Variants in SARDH observed in about 807,000 individuals in gnomAD.
The protein encoded by SARDH is sarcosine dehydrogenase, mitochondrial.
In SARDH, 95 loss-of-function variants were observed where a neutral mutation model predicts 109.1. The observed-to-expected ratio is 0.87, with a 90% CI of 0.74 to 1.03. SARDH has a LOEUF of 1.03. SARDH is among the 50% of genes least tolerant of loss of function. SARDH has a pLI of 0.00. For synonymous variants in SARDH, 572 were observed against 534.8 expected (o/e 1.07, Z -0.96); for missense variants, 1,267 against 1,287.8 (o/e 0.98, Z 0.25).
chr9:133,662,611 C>T (rs895049458), downstream of SARDH, among the ~76,000 whole-genome samples: 3 of 152,252 alleles, frequency 2.0e-5, no homozygotes, highest in African/African-American at 4.8e-5. The surrounding 1 kb of genome is among the most constrained non-coding windows in gnomAD (Gnocchi z 5.1). Context: ...GTAACCCAAA[C>T]GTCTGCCCAC....
Position 133,666,625 on chromosome 9 carries a change from C to T in SARDH, c.2631+110G>A. 2.1e-6 allele frequency: 3 copies of T among 1,423,448 alleles called. No individual in the cohort carries two copies. Among genetic ancestry groups the T allele is most frequent in the Non-Finnish European group, 2.9e-6 (3 of 1,046,032 alleles). The allele number at this position is 1,423,448 out of a possible 1,614,324, so 88.2% of individuals were successfully genotyped here. ...TTCCCTCCTCCTCTTCTGGACCACACCCGTGCCTCCTCCCTATGCCCGGCA... is the reference window on the plus strand; with the variant it reads ...TTCCCTCCTCCTCTTCTGGACCACATCCGTGCCTCCTCCCTATGCCCGGCA... On this transcript the variant is annotated intron_variant, in intron 20 of 20. Transcript: ENST00000439388. The surrounding 1 kb of genome is among the most constrained non-coding windows in gnomAD (Gnocchi z 5.2).
rs1289630771 is a variant in SARDH at position 133,730,080 on chromosome 9, G to T, written c.798C>A (p.Cys266Ter). 8.1e-6 allele frequency: 13 copies of T among 1,614,072 alleles called. No individual in the cohort carries two copies. Among genetic ancestry groups the T allele is most frequent in the Non-Finnish European group, 1.1e-5 (13 of 1,180,034 alleles). The change falls in exon 5 of 21, where the codon TGC becomes TGA. Residue 266 changes from cysteine (C) to a stop codon, truncating the protein, a stop_gained. Coordinates refer to ENST00000439388, the MANE Select transcript of SARDH (RefSeq NM_001134707.2). LOFTEE classifies it high-confidence loss of function. The stretch of plus-strand genomic sequence containing the variant: ...CACTCGCACCTGCACAGTTGACCAC[G>T]CAGGGTGTCTGGATGGAACCATGCT... ...ETQHGSIQTP[C>*]VVNCAGVWAS...
chr9:133,693,541 C>T lies in SARDH; in HGVS notation c.1921+717G>A, dbSNP rs1831177260. Among the ~76,000 whole-genome samples the T allele has an allele frequency of 6.6e-6, 1 of 152,220 alleles. No homozygotes were observed. Among genetic ancestry groups the T allele is most frequent in the African/African-American group, 2.4e-5 (1 of 41,452 alleles). On this transcript the variant is annotated intron_variant, in intron 15 of 20. Coordinates refer to ENST00000439388, the MANE Select transcript of SARDH (RefSeq NM_001134707.2). The surrounding 1 kb of genome is among the most constrained non-coding windows in gnomAD (Gnocchi z 5.6). ...ACCTTCCCCTGTGCAGGTCCCATCC[C>T]AGAGGTGGCAATGCCTCTTCCTGGA...
Position 133,663,804 on chromosome 9 carries a change from TGG to T in SARDH, c.*83_*84del, listed in dbSNP as rs1409699260. On this transcript the variant is annotated 3_prime_UTR_variant, in exon 21 of 21. Transcript: ENST00000439388. ...GGACAGGGAGGGCACAAGTTCTGGC[TGG>T]GTCCAGGGTCCTGGGACCCAGGGCC... The T allele has an allele frequency of 4.5e-6, 7 of 1,565,604 alleles. No individual in the cohort carries two copies. The highest frequency in any genetic ancestry group is 6.1e-6 in the Non-Finnish European group (7 of 1,151,932).
intron 6 of SARDH, among the ~76,000 whole-genome samples, chr9:133,729,016 G>A (rs903451130): frequency 6.6e-6 from 1 of 151,660 alleles, no homozygotes; most frequent in African/African-American, 2.4e-5. Context: ...AATAGAGGGA[G>A]GGAAAGAGTG....
At chr9:133,706,032 A>G (rs2131426302) in intron 11 of SARDH, among the ~76,000 whole-genome samples, 1 of 151,786 alleles carries the variant, frequency 6.6e-6, no homozygotes, top group Middle Eastern at 3.4e-3. Context: ...TTCTGCTGAA[A>G]CCTCTCCACT....
chr9:133,677,552 G>A (rs1325764938), intron 17 of SARDH, among the ~76,000 whole-genome samples: 2 of 152,158 alleles, frequency 1.3e-5, no homozygotes, highest in Non-Finnish European at 2.9e-5. Flanking sequence ...GGGGCTACAG[G>A]GGACCTCTCC....
intron 11 of SARDH, among the ~76,000 whole-genome samples, chr9:133,705,689 T>A (rs1564274033): frequency 6.6e-6 from 1 of 152,188 alleles, no homozygotes; most frequent in Non-Finnish European, 1.5e-5. Flanking sequence ...TGCCCTGATC[T>A]GCCTTGGCCC....
At chr9:133,710,712 C>T (rs1237395218) in intron 10 of SARDH, among the ~76,000 whole-genome samples, 1 of 152,282 alleles carries the variant, frequency 6.6e-6, no homozygotes, top group Non-Finnish European at 1.5e-5. Flanking sequence ...TGTCTCAGTC[C>T]CCGGGCGCAG....
At chr9:133,694,873 T>C (rs1831227832) in intron 14 of SARDH, among the ~76,000 whole-genome samples, 1 of 151,964 alleles carries the variant, frequency 6.6e-6, no homozygotes. Context: ...AACAGATGTA[T>C]GGAGAAACAG....
At chr9:133,717,269 A>G in intron 8 of SARDH, 57 bp downstream of exon 8, 1 of 1,601,658 alleles carries the variant, frequency 6.2e-7, no homozygotes, top group Non-Finnish European at 8.5e-7. Flanking sequence ...CACTACTAAC[A>G]GTCATCAGAC....
intron 11 of SARDH, among the ~76,000 whole-genome samples, chr9:133,705,628 C>A (rs1296060476): frequency 6.6e-6 from 1 of 151,794 alleles, no homozygotes; most frequent in African/African-American, 2.4e-5. Flanking sequence ...CAGAATAGCA[C>A]CTGCCCCATC....
chr9:133,687,802 C>G (rs527849488), intron 16 of SARDH, among the ~76,000 whole-genome samples: 1 of 152,136 alleles, frequency 6.6e-6, no homozygotes, highest in Non-Finnish European at 1.5e-5. Context: ...ATAACAATTC[C>G]GAAAGTGCAG....
downstream of SARDH, among the ~76,000 whole-genome samples, chr9:133,662,535 C>A (rs1172723622): frequency 2.0e-5 from 3 of 152,228 alleles, no homozygotes; most frequent in Admixed American, 1.3e-4. The surrounding 1 kb of genome is among the most constrained non-coding windows in gnomAD (Gnocchi z 5.1). Context: ...ACAGCCCCCA[C>A]CCTGGTCTCC....
chr9:133,667,085 G>C, intron 19 of SARDH: 1 of 614,070 alleles, frequency 1.6e-6, no homozygotes, highest in Non-Finnish European at 2.9e-6. Flanking sequence ...TAAAAGGGAT[G>C]AATAGAAAAC....
intron 11 of SARDH, 78 bp downstream of exon 11, chr9:133,708,209 C>G (rs1036784469): frequency 6.6e-7 from 1 of 1,508,778 alleles, no homozygotes; most frequent in Non-Finnish European, 8.9e-7. Flanking sequence ...GTACACCTTG[C>G]ATTTCTGTCA....
At position 133,690,476 on chromosome 9, in the gene SARDH, G is replaced by C. The variant is rs1342917063; in HGVS notation, c.1973C>G (p.Ser658Cys). 2 of 1,611,764 alleles carry C rather than the reference G, an allele frequency of 1.2e-6. No homozygotes were observed. Among genetic ancestry groups the C allele is most frequent in the Non-Finnish European group, 8.5e-7 (1 of 1,179,872 alleles). ...GTCCTGCAGCACGGTGGTGATGTGG[G>C]ACCAGTTGTGCTGGGCCACGGCCCC... ...MGGAVAQHNWSHITTVLQDQK... is the reference protein window; with the variant it reads ...MGGAVAQHNWCHITTVLQDQK... The change falls in exon 16 of 21, where the codon TCC (serine) becomes TGC (cysteine). Residue 658 changes from serine (S) to cysteine (C), a missense_variant. Physicochemically the swap from Ser to Cys is moderately radical, Grantham distance 112 (BLOSUM62 -1). Transcript: ENST00000439388.
In SARDH at chr9:133,729,814, A is replaced by C. The variant is rs1257175306; in HGVS notation, c.866T>G (p.Val289Gly). ...GACGACATAGGCATGGTGCATGGCC[A>C]CCAGCGGGACCTTGACTCCAGCCAT... ...GRMAGVKVPL[V>G]AMHHAYVVTE... The change falls in exon 6 of 21, where the codon GTG becomes GGG. Residue 289 changes from valine (V) to glycine (G), a missense_variant. Physicochemically the swap from Val to Gly is moderately radical, Grantham distance 109. Transcript: ENST00000439388. 1.7e-5 allele frequency: 28 copies of C among 1,612,734 alleles called. No homozygotes were observed. The highest frequency in any genetic ancestry group is 2.4e-5 in the Non-Finnish European group (28 of 1,180,028).
rs1242254927 is a variant in SARDH, at chr9:133,692,883, C to T, written c.1921+1375G>A. ...CGGCAGGAGGGAAGGGGTGGGCGAG[C>T]TCTGCGCACCCCATAGGACCCCTCA... On this transcript the variant is annotated intron_variant, in intron 15 of 20. Coordinates refer to ENST00000439388, the MANE Select transcript of SARDH (RefSeq NM_001134707.2). This position sits in a 1 kb window ranked among gnomAD's most constrained non-coding sequence, Gnocchi z 5.0. Among the ~76,000 whole-genome samples the T allele has an allele frequency of 6.6e-6, 1 of 152,152 alleles. No homozygotes were observed. The highest frequency in any genetic ancestry group is 6.5e-5 in the Admixed American group (1 of 15,286).
Sources: allele counts gnomAD v4.1 joint callset (sites outside exome capture counted in the v4.1 genomes callset), GRCh38; gene constraint gnomAD v4.1.1; non-coding constraint Gnocchi (gnomAD v3.1); transcripts MANE v1.5; gene names NCBI Gene and HGNC (gene_info 2026-07-23, HGNC 2026-07-21).